The following NELL1 variants were observed in gnomAD, a reference collection of about 807,000 sequenced individuals.
NELL1 encodes protein kinase C-binding protein NELL1.
NELL1 carries 76 observed loss-of-function variants against 107.4 expected under a neutral mutation model. That is an observed-to-expected ratio of 0.71 (90% CI 0.59 to 0.86). The LOEUF is 0.86. NELL1 is among the 40% of genes least tolerant of loss of function. The probability of loss-of-function intolerance (pLI) is 0.00; values close to 1 mark genes in which losing one functional copy is unlikely to be tolerated. For missense variants in NELL1, 1,024 were observed against 1,005.5 expected (o/e 1.02, Z -0.25); for synonymous variants, 353 against 341.2 (o/e 1.03, Z -0.38).
At chr11:21,124,332 C>A (rs1434390786) in intron 13 of NELL1, among the ~76,000 whole-genome samples, 1 of 152,100 alleles carries the variant, frequency 6.6e-6, no homozygotes, top group Admixed American at 6.6e-5. Flanking sequence ...TGTCTTTCAT[C>A]TTTTATGACA....
At chr11:21,020,986 A>G (rs1414172661) in intron 12 of NELL1, among the ~76,000 whole-genome samples, 1 of 149,522 alleles carries the variant, frequency 6.7e-6, no homozygotes, top group Non-Finnish European at 1.5e-5. Flanking sequence ...AGGAGGGGCC[A>G]GCTGATAGAG....
intron 13 of NELL1, among the ~76,000 whole-genome samples, chr11:21,182,109 G>A (rs1444183646): frequency 6.6e-6 from 1 of 151,804 alleles, no homozygotes; most frequent in Non-Finnish European, 1.5e-5. Context: ...TCAAATTCTA[G>A]CAGACGCCAG....
intron 16 of NELL1, among the ~76,000 whole-genome samples, chr11:21,537,276 T>C (rs1034857998): frequency 6.6e-6 from 1 of 152,130 alleles, no homozygotes; most frequent in African/African-American, 2.4e-5. Context: ...CCAATGAGTG[T>C]AAAATAAATT....
intron 13 of NELL1, among the ~76,000 whole-genome samples, chr11:21,131,122 C>T (rs1045593695): frequency 6.6e-6 from 1 of 152,210 alleles, no homozygotes; most frequent in Middle Eastern, 3.4e-3. Flanking sequence ...TTGCCTCTTG[C>T]AACTAGGATG....
intron 12 of NELL1, among the ~76,000 whole-genome samples, chr11:20,995,532 C>G (rs577042376): frequency 7.9e-5 from 12 of 151,882 alleles, no homozygotes; most frequent in Non-Finnish European, 1.8e-4. Context: ...GAGCAGAGAT[C>G]GCACCACTGC....
intron 16 of NELL1, among the ~76,000 whole-genome samples, chr11:21,556,624 C>G (rs780039351): frequency 5.2e-4 from 79 of 151,996 alleles, no homozygotes; most frequent in Non-Finnish European, 1.3e-4. Context: ...AAGATGAAAG[C>G]AGATTGACTT....
chr11:21,315,088 C>T (rs1242526648), intron 14 of NELL1, among the ~76,000 whole-genome samples: 3 of 152,086 alleles, frequency 2.0e-5, no homozygotes, highest in African/African-American at 7.2e-5. Context: ...AACTCCTGAC[C>T]TCAGGTGATC....
chr11:20,795,384 T>C (rs1242373252), intron 3 of NELL1, among the ~76,000 whole-genome samples: 1 of 152,268 alleles, frequency 6.6e-6, no homozygotes, highest in African/African-American at 2.4e-5. Context: ...AATTCCAATG[T>C]ATATTTCTAA....
At chr11:21,263,647 G>T (rs531999553) in intron 14 of NELL1, among the ~76,000 whole-genome samples, 9 of 151,928 alleles carry the variant, frequency 5.9e-5, no homozygotes, top group Admixed American at 4.6e-4. Flanking sequence ...GGAACCAGGT[G>T]TATACCTAGT....
chr11:20,880,905 A>C (rs1333432528), intron 4 of NELL1, among the ~76,000 whole-genome samples: 1 of 152,176 alleles, frequency 6.6e-6, no homozygotes, highest in East Asian at 1.9e-4. Context: ...GACAGCATGG[A>C]AGATACCTGA....
intron 13 of NELL1, among the ~76,000 whole-genome samples, chr11:21,175,014 G>A (rs549519070): frequency 4.0e-5 from 6 of 151,822 alleles, no homozygotes; most frequent in African/African-American, 1.2e-4. Context: ...GGCAGGCCAG[G>A]ACAAACATGA....
At chr11:20,696,072 A>T (rs1019439320) in intron 2 of NELL1, among the ~76,000 whole-genome samples, 3 of 151,988 alleles carry the variant, frequency 2.0e-5, no homozygotes, top group Non-Finnish European at 4.4e-5. Context: ...GTGCATAGAG[A>T]TGTGTATAGT....
At chr11:20,839,179 T>C (rs1463407065) in intron 3 of NELL1, among the ~76,000 whole-genome samples, 1 of 152,206 alleles carries the variant, frequency 6.6e-6, no homozygotes, top group Non-Finnish European at 1.5e-5. Flanking sequence ...CTTTGTTAAA[T>C]ACAGCATGGC....
chr11:21,308,172 G>T lies in NELL1; in HGVS notation c.1550-62681G>T, dbSNP rs114786263. On this transcript the variant is annotated intron_variant, in intron 14 of 19. Transcript: ENST00000357134. ...GGATAGTAATAGGAAATACCTCGTGGGGTTGCTGTGAACCTTAAGAGAGAT... is the reference window on the plus strand; with the variant it reads ...GGATAGTAATAGGAAATACCTCGTGTGGTTGCTGTGAACCTTAAGAGAGAT... 3.6e-3 allele frequency among the ~76,000 whole-genome samples: 542 copies of T among 152,140 alleles called. 4 individuals are homozygous for T. Among genetic ancestry groups the T allele is most frequent in the African/African-American group, 0.012 (517 of 41,542 alleles).
intron 12 of NELL1, among the ~76,000 whole-genome samples, chr11:21,023,036 C>A (rs1191269260): frequency 6.6e-6 from 1 of 151,948 alleles, no homozygotes; most frequent in Admixed American, 6.6e-5. Flanking sequence ...CTCGAAGGGC[C>A]TGCATCTGGG....
rs879298213 is a variant in NELL1, at chr11:21,516,756, CACACAG to C, written c.1646-17612_1646-17607del. Among the ~76,000 whole-genome samples the C allele has an allele frequency of 2.3e-3, 339 of 147,914 alleles. 3 individuals are homozygous for C. The highest frequency in any genetic ancestry group is 0.011 in the Middle Eastern group (3 of 284). On this transcript the variant is annotated intron_variant, in intron 15 of 19. Transcript: ENST00000357134. ...ACACACACATACACACACACACACA[CACACAG>C]ACACACACACTCTTCTTTTAAATAT...
At chr11:21,477,179 A>C (rs571987833) in intron 15 of NELL1, among the ~76,000 whole-genome samples, 1 of 152,196 alleles carries the variant, frequency 6.6e-6, no homozygotes, top group African/African-American at 2.4e-5. Context: ...TACAACTCAC[A>C]GCTCCAGGAG....
intron 14 of NELL1, among the ~76,000 whole-genome samples, chr11:21,343,863 T>C (rs1850628465): frequency 6.6e-6 from 1 of 152,182 alleles, no homozygotes; most frequent in African/African-American, 2.4e-5. Context: ...CCTAGCTCAG[T>C]GTCTGTGTTA....
intron 12 of NELL1, among the ~76,000 whole-genome samples, chr11:21,056,439 T>G (rs1387381300): frequency 1.3e-5 from 2 of 152,124 alleles, no homozygotes; most frequent in African/African-American, 2.4e-5. Flanking sequence ...ACTCTTCATC[T>G]AACTCCTTAT....
Sources: allele counts gnomAD v4.1 joint callset (sites outside exome capture counted in the v4.1 genomes callset), GRCh38; gene constraint gnomAD v4.1.1; transcripts MANE v1.5; gene names NCBI Gene and HGNC (gene_info 2026-07-23, HGNC 2026-07-21).